Variants in FBXL19 observed in about 807,000 individuals in gnomAD.
FBXL19 encodes the protein F-box/LRR-repeat protein 19.
A neutral mutation model predicts 71.2 loss-of-function variants in FBXL19; 16 were observed. The ratio of observed to expected loss-of-function variants is 0.22; its 90% confidence interval spans 0.15 to 0.34. The LOEUF is 0.34. Among genes scored for constraint, FBXL19 ranks in the 10% least tolerant of loss-of-function variants. FBXL19 has a pLI of 1.00. For synonymous variants in FBXL19, 447 were observed against 409.4 expected (o/e 1.09, Z -1.11); for missense variants, 658 against 968.2 (o/e 0.68, Z 4.25).
chr16:30,927,488 A>G, intron 3 of FBXL19, 37 bp downstream of exon 3: 1 of 1,572,554 alleles, frequency 6.4e-7, no homozygotes, highest in Non-Finnish European at 8.6e-7. Context: ...GGGGTGGGGC[A>G]GATTGTCAGG....
At chr16:30,924,544 C>T (rs2055566683) in intron 1 of FBXL19, 85 bp downstream of exon 1, 15 of 1,252,058 alleles carry the variant, frequency 1.2e-5, no homozygotes, top group Non-Finnish European at 1.1e-5. Context: ...CTCTACCTTC[C>T]CCGCCCCCAG....
At position 30,947,354 on chromosome 16, in the gene FBXL19, G is replaced by T; in HGVS notation, c.*124G>T. 1.2e-6 allele frequency: 1 copy of T among 818,186 alleles called. No individual in the cohort carries two copies. Among genetic ancestry groups the T allele is most frequent in the East Asian group, 2.7e-5 (1 of 37,192 alleles). 50.7% of individuals were successfully genotyped at this position (818,186 alleles called of 1,614,324 possible). ...GGATTCCTGAGTGTCAGTGACTTGG[G>T]ATTCCCACCCAGGGACTCAAGCCAG... On this transcript the variant is annotated 3_prime_UTR_variant, in exon 11 of 11. Transcript: ENST00000338343.
At chr16:30,936,601 CTTTTTTTTTTTT>C (rs547272418) in intron 7 of FBXL19, among the ~76,000 whole-genome samples, 1 of 118,172 alleles carries the variant, frequency 8.5e-6, no homozygotes, top group Non-Finnish European at 1.7e-5. Flanking sequence ...AATTTTTTTT[CTTTTTTTTTTTT>C]TTTTTTTGTT....
At chr16:30,945,662 CAAAAAA>C (rs1026782160) in intron 9 of FBXL19, among the ~76,000 whole-genome samples, 2 of 73,000 alleles carry the variant, frequency 2.7e-5, no homozygotes, top group South Asian at 4.1e-4. Flanking sequence ...GACTCCATCT[CAAAAAA>C]AAAAAAAAAA....
intron 5 of FBXL19, 99 bp downstream of exon 5, chr16:30,928,062 C>T (rs530179637): frequency 5.2e-4 from 419 of 805,602 alleles, no homozygotes; most frequent in Non-Finnish European, 2.7e-4. Context: ...GGAGCGTGCT[C>T]TGTGGGTTCC....
chr16:30,930,519 C>A lies in FBXL19; in HGVS notation c.1236C>A (p.Val412=). 6.6e-7 allele frequency: 1 copy of A among 1,515,540 alleles called. No homozygotes were observed. Among genetic ancestry groups the A allele is most frequent in the Non-Finnish European group, 8.8e-7 (1 of 1,139,524 alleles). 93.9% of individuals were successfully genotyped at this position (1,515,540 alleles called of 1,614,324 possible). The change falls in exon 7 of 11, where the codon GTC becomes GTA. Residue 412 remains valine, a synonymous_variant. Transcript: ENST00000338343. The surrounding 1 kb of genome is among the most constrained non-coding windows in gnomAD (Gnocchi z 8.5). The part of the protein sequence containing the change: ...HPLPRAAWLR[V]FQHLGPRELC... Reference sequence around the variant, plus strand: ...TGCCCCGGGCCGCCTGGCTTCGCGTCTTCCAGCACCTCGGGCCGCGGGAGC... The same window carrying A: ...TGCCCCGGGCCGCCTGGCTTCGCGTATTCCAGCACCTCGGGCCGCGGGAGC...
At chr16:30,931,656 C>T (rs911148840) in intron 7 of FBXL19, among the ~76,000 whole-genome samples, 7 of 152,220 alleles carry the variant, frequency 4.6e-5, no homozygotes, top group African/African-American at 1.4e-4. Flanking sequence ...CTTCTGGTAT[C>T]TGCAGAGATT....
chr16:30,927,322 C>T lies in FBXL19; in HGVS notation c.192C>T (p.His64=). 1 of 1,575,508 alleles carries T rather than the reference C, an allele frequency of 6.3e-7. No homozygotes were observed. Among genetic ancestry groups the T allele is most frequent in the Non-Finnish European group, 8.6e-7 (1 of 1,160,130 alleles). The change falls in exon 3 of 11, where the codon CAC becomes CAT. Residue 64 remains histidine, a synonymous_variant. Transcript: ENST00000338343. ...TCCCCCAACAGCCCGTGCTCCCACA[C>T]ACAGCTGTGTGCCTCTTGTGTGGGG... The part of the protein sequence containing the change: ...LRQCTAPVLP[H]TAVCLLCGEA...
rs1183158697 is a variant in FBXL19, at chr16:30,942,020, AGAGCTGGGGTGCACCCTTG to A, written c.1302-86_1302-68del. ...ACCCTGTTGTCTGTGTGGCCAGAAG[AGAGCTGGGGTGCACCCTTG>A]GAGCTGGGGAGCCTGGGAACTGTGG... On this transcript the variant is annotated intron_variant, in intron 7 of 10. Coordinates refer to ENST00000338343, the MANE Select transcript of FBXL19 (RefSeq NM_001382779.1). This position sits in a 1 kb window ranked among gnomAD's most constrained non-coding sequence, Gnocchi z 5.7. The A allele has an allele frequency of 6.7e-6, 9 of 1,342,644 alleles. No individual in the cohort carries two copies. Among genetic ancestry groups the A allele is most frequent in the South Asian group, 1.7e-5 (1 of 58,764 alleles). 83.2% of individuals were successfully genotyped at this position (1,342,644 alleles called of 1,614,324 possible). A position where few individuals can be genotyped will look rare whatever the true frequency, so the allele number is the denominator to read the frequency against.
chr16:30,928,152 C>CAGGTG (rs2055622511), intron 5 of FBXL19, among the ~76,000 whole-genome samples, 189 bp downstream of exon 5: 1 of 149,554 alleles, frequency 6.7e-6, no homozygotes, highest in Non-Finnish European at 1.5e-5. Flanking sequence ...AGGGGGGGGA[C>CAGGTG]AGGTGAGGTG....
chr16:30,924,889 G>A (rs1022159010), intron 1 of FBXL19: 4 of 684,558 alleles, frequency 5.8e-6, no homozygotes, highest in African/African-American at 3.8e-5. Context: ...AAAGCAGCCC[G>A]GGAAGCTGGG....
In FBXL19 at chr16:30,945,849, GAAAAAAAA is replaced by G. The variant is rs11464927; in HGVS notation, c.1628-864_1628-857del. Among the ~76,000 whole-genome samples the G allele has an allele frequency of 7.1e-4, 62 of 86,816 alleles. 1 individual carries two copies. The highest frequency in any genetic ancestry group is 8.6e-4 in the Non-Finnish European group (41 of 47,462). The allele number at this position is 86,816 out of a possible 152,430, so 57.0% of individuals were successfully genotyped here. ...TGACAGAGCAAGACTCCGTCTCGGG[GAAAAAAAA>G]AAAAAAAAAAAAAAAAGGAAAACGT... On this transcript the variant is annotated intron_variant, in intron 9 of 10. Transcript: ENST00000338343.
upstream of FBXL19, chr16:30,923,279 G>A (rs1056964864): frequency 2.2e-5 from 10 of 444,488 alleles, no homozygotes; most frequent in Admixed American, 1.7e-4. Context: ...TCTGCAACTG[G>A]GAGCCTCGGG....
At chr16:30,933,242 A>T (rs2055695216) in intron 7 of FBXL19, among the ~76,000 whole-genome samples, 1 of 152,106 alleles carries the variant, frequency 6.6e-6, no homozygotes, top group East Asian at 1.9e-4. Context: ...ACCTCAGGTG[A>T]TTCGCCTGCC....
chr16:30,929,490 C>T (rs2055644375), intron 6 of FBXL19, among the ~76,000 whole-genome samples: 1 of 152,226 alleles, frequency 6.6e-6, no homozygotes, highest in Non-Finnish European at 1.5e-5. Flanking sequence ...CAGGGTCTCT[C>T]ATTTCTCCAT....
chr16:30,925,393 G>A lies in FBXL19; in HGVS notation c.-24-338G>A, dbSNP rs972991244. 1.3e-5 allele frequency among the ~76,000 whole-genome samples: 2 copies of A among 152,122 alleles called. No individual in the cohort carries two copies. The highest frequency in any genetic ancestry group is 4.8e-5 in the African/African-American group (2 of 41,404). On this transcript the variant is annotated intron_variant, in intron 1 of 10. Coordinates refer to ENST00000338343, the MANE Select transcript of FBXL19 (RefSeq NM_001382779.1). This position sits in a 1 kb window ranked among gnomAD's most constrained non-coding sequence, Gnocchi z 5.0. Reference sequence around the variant, plus strand: ...TGGGATCTCTCCAAGCTAACACCACGGACAAGGAGTGCCTGGCCTTTCCAA... The same window carrying A: ...TGGGATCTCTCCAAGCTAACACCACAGACAAGGAGTGCCTGGCCTTTCCAA...
chr16:30,927,678 T>C lies in FBXL19; in HGVS notation c.408+19T>C, dbSNP rs1467100948. The C allele has an allele frequency of 6.4e-7, 1 of 1,562,160 alleles. No homozygotes were observed. Among genetic ancestry groups the C allele is most frequent in the Non-Finnish European group, 8.7e-7 (1 of 1,153,370 alleles). On this transcript the variant is annotated intron_variant, in intron 4 of 10. Transcript: ENST00000338343. ...CAGCAAGGTAGGGGCTGGGCTGGGC[T>C]GAGCTGTGGGTAGGTGGGTGTTGGG...
intron 9 of FBXL19, among the ~76,000 whole-genome samples, chr16:30,943,293 A>C (rs551654300): frequency 4.6e-5 from 7 of 151,104 alleles, no homozygotes; most frequent in African/African-American, 1.7e-4. Flanking sequence ...GGTTCAAGTG[A>C]TCCTCCCCAC....
upstream of FBXL19, among the ~76,000 whole-genome samples, chr16:30,923,508 AG>A (rs2055549168): frequency 1.7e-5 from 2 of 115,222 alleles, no homozygotes; most frequent in South Asian, 3.3e-4. Context: ...TGGGAGAAGG[AG>A]GGAGTAAAGA....
Sources: allele counts gnomAD v4.1 joint callset (sites outside exome capture counted in the v4.1 genomes callset), GRCh38; gene constraint gnomAD v4.1.1; non-coding constraint Gnocchi (gnomAD v3.1); transcripts MANE v1.5; gene names NCBI Gene and HGNC (gene_info 2026-07-23, HGNC 2026-07-21).